Variants in SEMA3A observed in about 807,000 individuals in gnomAD.
The protein encoded by SEMA3A is semaphorin-3A.
In SEMA3A, 29 loss-of-function variants were observed where a neutral mutation model predicts 97.9. The observed-to-expected ratio is 0.30, with a 90% CI of 0.22 to 0.40. SEMA3A has a LOEUF of 0.40. Among genes scored for constraint, SEMA3A ranks in the 10% least tolerant of loss-of-function variants. The probability of loss-of-function intolerance (pLI) is 1.00; values close to 1 mark genes in which losing one functional copy is unlikely to be tolerated. For missense variants in SEMA3A, 763 were observed against 951.3 expected, an observed-to-expected ratio of 0.80 and a Z score of 2.60; for synonymous variants, 321 against 323.7, an observed-to-expected ratio of 0.99 and a Z score of 0.09.
chr7:83,993,446 G>T (rs912944577), intron 12 of SEMA3A, among the ~76,000 whole-genome samples: 1 of 151,718 alleles, frequency 6.6e-6, no homozygotes, highest in East Asian at 1.9e-4. Context: ...TTTTGCAGTG[G>T]CTGGTACCGG....
chr7:84,353,518 G>T (rs1465874268), intron 2 of SEMA3A, among the ~76,000 whole-genome samples: 3 of 151,574 alleles, frequency 2.0e-5, no homozygotes, highest in Non-Finnish European at 4.4e-5. Flanking sequence ...GTATTTTGGG[G>T]TATACTTTCC....
intron 6 of SEMA3A, among the ~76,000 whole-genome samples, chr7:84,035,009 A>G (rs976715204): frequency 1.3e-5 from 2 of 152,088 alleles, no homozygotes; most frequent in Non-Finnish European, 2.9e-5. Context: ...ACTATTTTCT[A>G]CCTTTTCCCA....
chr7:83,961,428 A>T lies in SEMA3A; in HGVS notation c.2259T>A (p.Asn753Lys), dbSNP rs1653163178. Reference sequence around the variant, plus strand: ...GGGTCCTCCTGTTTCTACCTTTCTTATTTTCTTGTAAGTGCTTCCATTTGT... The same window carrying T: ...GGGTCCTCCTGTTTCTACCTTTCTTTTTTTCTTGTAAGTGCTTCCATTTGT... ...NSNKWKHLQE[N>K]KKGRNRRTHE... The change falls in exon 17 of 17, where the codon AAT becomes AAA. Residue 753 changes from asparagine (N) to lysine (K), a missense_variant. Coordinates refer to ENST00000265362, the MANE Select transcript of SEMA3A (RefSeq NM_006080.3). 1.2e-6 allele frequency: 2 copies of T among 1,613,708 alleles called. No individual in the cohort carries two copies. The highest frequency in any genetic ancestry group is 1.7e-6 in the Non-Finnish European group (2 of 1,179,892).
At chr7:84,194,805 A>G (rs1299189779), upstream of SEMA3A, 1 of 339,476 alleles carries the variant, frequency 2.9e-6, no homozygotes. Flanking sequence ...AGAAAAAAAA[A>G]AAAAAAAATT....
At chr7:84,157,769 ACT>A (rs1229730356) in intron 1 of SEMA3A, among the ~76,000 whole-genome samples, 1 of 151,940 alleles carries the variant, frequency 6.6e-6, no homozygotes, top group African/African-American at 2.4e-5. Context: ...AGTTGAAGAC[ACT>A]CTTCTTTTCT....
At position 84,010,958 on chromosome 7, in the gene SEMA3A, A is replaced by G; in HGVS notation, c.995+64T>C. ...TTTCAAAAATATACTTTTGCAAATT[A>G]TGAGTACTTGGATAGCACCTAAATA... is the stretch of plus-strand genomic sequence containing the variant. On this transcript the variant is annotated intron_variant, in intron 9 of 16. Transcript: ENST00000265362. 4 of 1,236,734 alleles carry G rather than the reference A, an allele frequency of 3.2e-6. 1 individual carries two copies. In the South Asian group the frequency reaches 5.5e-5, roughly 17 times the overall value. The allele number at this position is 1,236,734 out of a possible 1,614,324, so 76.6% of individuals were successfully genotyped here.
intron 1 of SEMA3A, among the ~76,000 whole-genome samples, chr7:84,396,277 C>T (rs1041362999): frequency 7.3e-5 from 11 of 151,428 alleles, no homozygotes; most frequent in Admixed American, 2.0e-4. Flanking sequence ...GGAAAAAGAT[C>T]AAGAAATCAG....
intron 3 of SEMA3A, among the ~76,000 whole-genome samples, chr7:84,113,962 C>A (rs1795348889): frequency 6.6e-6 from 1 of 151,886 alleles, no homozygotes; most frequent in African/African-American, 2.4e-5. Context: ...AAAGATATTA[C>A]CTGGAGAAAT....
At chr7:84,487,604 A>T (rs1806607874) in intron 1 of SEMA3A, among the ~76,000 whole-genome samples, 1 of 152,164 alleles carries the variant, frequency 6.6e-6, no homozygotes, top group Non-Finnish European at 1.5e-5. Flanking sequence ...TAGATAATTC[A>T]AAAAGGATTT....
At chr7:84,297,934 A>C (rs536235704) in intron 3 of SEMA3A, among the ~76,000 whole-genome samples, 24 of 152,324 alleles carry the variant, frequency 1.6e-4, no homozygotes, top group African/African-American at 5.3e-4. Context: ...TGAGTAATGA[A>C]ATCTGCAGAT....
At chr7:84,216,811 T>TA (rs1408910870) in intron 3 of SEMA3A, among the ~76,000 whole-genome samples, 7 of 152,088 alleles carry the variant, frequency 4.6e-5, no homozygotes, top group African/African-American at 1.7e-4. Context: ...AAGCATTTAA[T>TA]AAAAAGGAAT....
rs181392184 is a variant in SEMA3A, at chr7:84,076,525, C to T, written c.454-15967G>A. Among the ~76,000 whole-genome samples, 539 of 152,162 alleles carry T rather than the reference C, an allele frequency of 3.5e-3. 1 individual carries two copies. The highest frequency in any genetic ancestry group is 6.8e-3 in the Middle Eastern group (2 of 294). ...ACTTCAGACATAAAGAGCTGTTATACCATATATACTGTCTCTTAATATGCC... is the reference window on the plus strand; with the variant it reads ...ACTTCAGACATAAAGAGCTGTTATATCATATATACTGTCTCTTAATATGCC... On this transcript the variant is annotated intron_variant, in intron 4 of 16. Coordinates refer to ENST00000265362, the MANE Select transcript of SEMA3A (RefSeq NM_006080.3).
chr7:84,214,682 T>C (rs1483421687), intron 3 of SEMA3A, among the ~76,000 whole-genome samples: 2 of 151,254 alleles, frequency 1.3e-5, no homozygotes, highest in African/African-American at 4.9e-5. Flanking sequence ...CTTTCCTGTA[T>C]CTACTTAGAG....
At chr7:84,314,984 T>G (rs2115883530) in intron 2 of SEMA3A, among the ~76,000 whole-genome samples, 1 of 152,288 alleles carries the variant, frequency 6.6e-6, no homozygotes, top group Admixed American at 6.5e-5. Flanking sequence ...TCATGAAGAA[T>G]AAATAACACA....
At chr7:84,217,748 G>A (rs1015628) in intron 3 of SEMA3A, among the ~76,000 whole-genome samples, 9,829 of 150,066 alleles carry the variant, frequency 0.065, 419 homozygotes, top group African/African-American at 0.12. Flanking sequence ...GTGGCAGAGT[G>A]AGACTCTGTC....
intron 1 of SEMA3A, among the ~76,000 whole-genome samples, chr7:84,382,386 C>T (rs1301343978): frequency 1.3e-5 from 2 of 151,278 alleles, no homozygotes; most frequent in African/African-American, 4.9e-5. Flanking sequence ...GGGTTACAGG[C>T]GTGAGCCACT....
In SEMA3A at chr7:84,392,894, G is replaced by A. The variant is rs368801847; in HGVS notation, c.-245-20994C>T. ...TATTCATTTCTTAATCAGATTATTT[G>A]TTTTCAGTCTATAGAGTTGTTTGAG... On this transcript the variant is annotated intron_variant, in intron 1 of 3. Transcript: ENST00000424555. 6.6e-5 allele frequency among the ~76,000 whole-genome samples: 10 copies of A among 151,552 alleles called. 2 individuals are homozygous for A. Among genetic ancestry groups the A allele is most frequent in the Admixed American group, 6.6e-5 (1 of 15,228 alleles).
intron 5 of SEMA3A, among the ~76,000 whole-genome samples, chr7:84,055,336 C>T (rs978287905): frequency 1.3e-5 from 2 of 152,196 alleles, no homozygotes; most frequent in South Asian, 2.1e-4. Flanking sequence ...TCTCAGACTG[C>T]TGTGCTAGCA....
chr7:83,988,947 C>A (rs1264377177), intron 12 of SEMA3A, among the ~76,000 whole-genome samples: 1 of 149,726 alleles, frequency 6.7e-6, no homozygotes, highest in Non-Finnish European at 1.5e-5. Flanking sequence ...AGGATCCGCA[C>A]CCCCCCGATA....
Sources: allele counts gnomAD v4.1 joint callset (sites outside exome capture counted in the v4.1 genomes callset), GRCh38; gene constraint gnomAD v4.1.1; transcripts MANE v1.5; gene names NCBI Gene and HGNC (gene_info 2026-07-23, HGNC 2026-07-21).